The following NCF2 variants were observed in gnomAD, a reference collection of about 807,000 sequenced individuals.
NCF2 encodes the protein neutrophil cytosolic factor 2, also known as neutrophil cytosol factor 2.
Under a neutral mutation model 70.9 loss-of-function variants are expected in NCF2, and 45 were observed. The observed-to-expected ratio is 0.63, with a 90% confidence interval of 0.50 to 0.81. The LOEUF (loss-of-function observed/expected upper bound fraction) is 0.81. Ranked by LOEUF, NCF2 falls within the 40% of genes least tolerant of loss-of-function variation. The pLI, the probability that NCF2 is intolerant of heterozygous loss-of-function variation, is 0.00. For missense variants in NCF2, 522 were observed against 631.6 expected, an observed-to-expected ratio of 0.83 and a Z score of 1.86; for synonymous variants, 203 against 233.6, an observed-to-expected ratio of 0.87 and a Z score of 1.19.
intron 14 of NCF2, among the ~76,000 whole-genome samples, chr1:183,558,676 T>G (rs1284669822): frequency 6.6e-6 from 1 of 152,270 alleles, no homozygotes; most frequent in East Asian, 1.9e-4. Context: ...GCGATTCTCT[T>G]GCCTCAGCCT....
chr1:183,563,858 T>A (rs751328813), intron 11 of NCF2, 147 bp downstream of exon 11: 6 of 947,858 alleles, frequency 6.3e-6, no homozygotes, highest in Non-Finnish European at 1.0e-5. Flanking sequence ...ATTAAGAAGG[T>A]CCCTAGCTCA....
intron 13 of NCF2, among the ~76,000 whole-genome samples, chr1:183,562,097 G>A (rs1672088390): frequency 6.6e-6 from 1 of 152,068 alleles, no homozygotes; most frequent in Admixed American, 6.6e-5. Context: ...GCCTCCAAAA[G>A]TAATGGATAG....
intron 2 of NCF2, among the ~76,000 whole-genome samples, chr1:183,582,141 T>G (rs1246362604): frequency 1.3e-5 from 2 of 152,334 alleles, no homozygotes; most frequent in Middle Eastern, 3.4e-3. Flanking sequence ...TTCGCAATAA[T>G]CTCAGTATGA....
At chr1:183,575,661 T>G (rs1306784221) in intron 3 of NCF2, among the ~76,000 whole-genome samples, 2 of 152,194 alleles carry the variant, frequency 1.3e-5, no homozygotes, top group African/African-American at 4.8e-5. Flanking sequence ...GGCTAGATTA[T>G]AAAAGACATT....
intron 2 of NCF2, among the ~76,000 whole-genome samples, chr1:183,585,754 A>AT (rs774743323): frequency 6.6e-6 from 1 of 152,030 alleles, no homozygotes. Flanking sequence ...ATCACTTAGA[A>AT]TTTTTTTCCT....
At position 183,567,365 on chromosome 1, in the gene NCF2, G is replaced by T. The variant is rs576111074; in HGVS notation, c.714-20C>A. 1.2e-6 allele frequency: 2 copies of T among 1,613,630 alleles called. No individual in the cohort carries two copies. The highest frequency in any genetic ancestry group is 2.2e-5 in the East Asian group (1 of 44,874). ...AGAGCCCTGCAGAGGATAGACACAA[G>T]ATCCAGCCCCCATCCCCTCACATGA... On this transcript the variant is annotated intron_variant, in intron 7 of 14. Transcript: ENST00000367535.
At chr1:183,566,198 G>A (rs1672291764) in intron 9 of NCF2, among the ~76,000 whole-genome samples, 1 of 152,196 alleles carries the variant, frequency 6.6e-6, no homozygotes, top group Admixed American at 6.5e-5. Flanking sequence ...AGGGAGGGCT[G>A]AGCTCATATA....
upstream of NCF2, among the ~76,000 whole-genome samples, chr1:183,595,608 G>A (rs1185357168): frequency 6.6e-6 from 1 of 152,100 alleles, no homozygotes; most frequent in Admixed American, 6.5e-5. Context: ...CCCTTGGTTT[G>A]TTGGTGGAAT....
At chr1:183,582,174 G>T (rs987113027) in intron 2 of NCF2, among the ~76,000 whole-genome samples, 4 of 152,214 alleles carry the variant, frequency 2.6e-5, no homozygotes, top group Non-Finnish European at 5.9e-5. Flanking sequence ...AGCATTCAGC[G>T]CTGTGTGCCA....
At chr1:183,579,124 T>A (rs1281368259) in intron 2 of NCF2, among the ~76,000 whole-genome samples, 1 of 152,126 alleles carries the variant, frequency 6.6e-6, no homozygotes, top group Non-Finnish European at 1.5e-5. Context: ...GCAGGAATCC[T>A]CAAGAGGCAG....
chr1:183,585,422 G>A (rs1462642585), intron 2 of NCF2, among the ~76,000 whole-genome samples: 5 of 152,026 alleles, frequency 3.3e-5, no homozygotes, highest in Admixed American at 2.6e-4. Flanking sequence ...TCAGGAGTTC[G>A]AGACCAGCGT....
rs755290534 is a variant in NCF2, at chr1:183,567,351, G to C, written c.714-6C>G. The C allele has an allele frequency of 1.1e-5, 18 of 1,613,856 alleles. No individual in the cohort carries two copies. The East Asian group carries it at 3.1e-4, about 28-fold the overall frequency. On this transcript the variant is annotated splice_region_variant and splice_polypyrimidine_tract_variant and intron_variant, in intron 7 of 14. Transcript: ENST00000367535. ...GAGCCTCCCCTTCCAGAGCCCTGCAGAGGATAGACACAAGATCCAGCCCCC... is the reference window on the plus strand; with the variant it reads ...GAGCCTCCCCTTCCAGAGCCCTGCACAGGATAGACACAAGATCCAGCCCCC...
Position 183,580,454 on chromosome 1 carries a change from T to G in NCF2, c.258-2747A>C, listed in dbSNP as rs1308128369. On this transcript the variant is annotated intron_variant, in intron 2 of 14. Transcript: ENST00000367535. ...GACAGGCAGAAGCAGAGGTTTCCTGTTTCCTGGCAGCTGCAATTTCCACTG... is the reference window on the plus strand; with the variant it reads ...GACAGGCAGAAGCAGAGGTTTCCTGGTTCCTGGCAGCTGCAATTTCCACTG... 2.6e-5 allele frequency among the ~76,000 whole-genome samples: 4 copies of G among 152,314 alleles called. No individual in the cohort carries two copies. The East Asian group carries it at 5.8e-4, about 22-fold the overall frequency.
chr1:183,577,309 C>T (rs1672839340), intron 3 of NCF2, among the ~76,000 whole-genome samples: 3 of 152,228 alleles, frequency 2.0e-5, no homozygotes, highest in Admixed American at 2.0e-4. Context: ...AGCCAACACA[C>T]TCGTGTCCAG....
chr1:183,573,345 C>G (rs1672656871), intron 4 of NCF2, 53 bp from the exon 5 acceptor site: 1 of 1,472,948 alleles, frequency 6.8e-7, no homozygotes, highest in African/African-American at 1.4e-5. Flanking sequence ...GGTGACGATG[C>G]TTGTCCTGCC....
At chr1:183,591,584 G>A (rs1446077671), upstream of NCF2, among the ~76,000 whole-genome samples, 1 of 151,100 alleles carries the variant, frequency 6.6e-6, no homozygotes, top group Non-Finnish European at 1.5e-5. Context: ...CTGGGTTCAA[G>A]CAATTCTCCT....
intron 2 of NCF2, among the ~76,000 whole-genome samples, chr1:183,580,470 A>G (rs1673008831): frequency 1.3e-5 from 2 of 152,094 alleles, no homozygotes; most frequent in African/African-American, 2.4e-5. Context: ...GGCAGCTGCA[A>G]TTTCCACTGT....
chr1:183,599,423 C>CCTCT, the NCF2 span, among the ~76,000 whole-genome samples: 1 of 107,426 alleles, frequency 9.3e-6, no homozygotes, highest in African/African-American at 3.8e-5. Flanking sequence ...TCTTTCTTTC[C>CCTCT]TTCTTTCTTT....
At chr1:183,569,297 T>C in intron 6 of NCF2, 112 bp from the exon 7 acceptor site, 2 of 1,018,912 alleles carry the variant, frequency 2.0e-6, no homozygotes, top group East Asian at 2.4e-5. Context: ...GAAAATCAAA[T>C]AACGCATTTC....
Sources: gnomAD v4.1 joint callset for allele counts (sites outside exome capture counted in the v4.1 genomes callset) on GRCh38, gnomAD v4.1.1 for gene constraint, MANE v1.5 for transcripts, NCBI Gene and HGNC (gene_info 2026-07-23, HGNC 2026-07-21) for gene names.